Variants in ITGB6 observed in about 807,000 individuals in gnomAD.
ITGB6 encodes integrin subunit beta 6.
A neutral mutation model predicts 84.5 loss-of-function variants in ITGB6; 80 were observed. That is an observed-to-expected ratio of 0.95 (90% CI 0.79 to 1.14). The LOEUF (loss-of-function observed/expected upper bound fraction) is 1.14. Among genes scored for constraint, ITGB6 ranks in the 50% most tolerant of loss-of-function variants. The pLI is 0.00. For synonymous variants in ITGB6, 383 were observed against 354.9 expected (o/e 1.08, Z -0.89); for missense variants, 1,006 against 968.0 (o/e 1.04, Z -0.52).
chr2:160,190,381 G>A (rs1250389484), intron 4 of ITGB6, among the ~76,000 whole-genome samples: 3 of 152,124 alleles, frequency 2.0e-5, no homozygotes, highest in Non-Finnish European at 4.4e-5. Flanking sequence ...TTTGTGATTG[G>A]CATTGTTAGT....
intron 12 of ITGB6, among the ~76,000 whole-genome samples, chr2:160,121,834 A>T (rs1683054405): frequency 6.6e-6 from 1 of 151,358 alleles, no homozygotes; most frequent in Non-Finnish European, 1.5e-5. Flanking sequence ...CATGTTTTTG[A>T]TATGCCCACT....
At chr2:160,136,360 T>C (rs376071544) in intron 10 of ITGB6, among the ~76,000 whole-genome samples, 9,794 of 151,702 alleles carry the variant, frequency 0.065, 340 homozygotes, top group Middle Eastern at 0.13. Flanking sequence ...GATACCATCT[T>C]ACACCAGTTA....
intron 4 of ITGB6, among the ~76,000 whole-genome samples, chr2:160,176,071 G>T (rs1392587876): frequency 6.6e-6 from 1 of 152,134 alleles, no homozygotes; most frequent in Non-Finnish European, 1.5e-5. Flanking sequence ...TTGAAAGCAG[G>T]TGAGGTTTGG....
At chr2:160,122,183 AAT>A (rs1683067665) in intron 12 of ITGB6, among the ~76,000 whole-genome samples, 1 of 152,118 alleles carries the variant, frequency 6.6e-6, no homozygotes, top group African/African-American at 2.4e-5. Context: ...CTGAGTTACA[AAT>A]AATTGTATCT....
rs1683658618 is a variant in ITGB6 at position 160,135,275 on chromosome 2, C to G, written c.1660+2159G>C. Among the ~76,000 whole-genome samples the G allele has an allele frequency of 3.3e-5, 5 of 151,954 alleles. No homozygotes were observed. The South Asian group carries it at 1.0e-3, about 32-fold the overall frequency. ...ATACACTAATAACAGACAAACAGAG[C>G]CAAATCGCGAGTGAACTCCCATTCA... On this transcript the variant is annotated intron_variant, in intron 10 of 14. Coordinates refer to ENST00000283249, the MANE Select transcript of ITGB6 (RefSeq NM_000888.5).
At chr2:160,192,242 T>A (rs1037489253) in intron 4 of ITGB6, among the ~76,000 whole-genome samples, 2 of 151,920 alleles carry the variant, frequency 1.3e-5, no homozygotes, top group African/African-American at 4.8e-5. Context: ...GTAAGGGGGG[T>A]AGTGAGGCAT....
At chr2:160,167,443 C>T (rs1308016600) in intron 7 of ITGB6, among the ~76,000 whole-genome samples, 1 of 152,178 alleles carries the variant, frequency 6.6e-6, no homozygotes, top group Non-Finnish European at 1.5e-5. Flanking sequence ...GAGTGGGTGG[C>T]TGACCTGGAC....
chr2:160,195,500 C>T lies in ITGB6; in HGVS notation c.462G>A (p.Glu154=), dbSNP rs534331359. ...TCTCTTTGGAAAGCCGGGAGCCCAG[C>T]TCCTTTATTGTGTTGAGGTCGTCAT... ...SMDDDLNTIK[E]LGSRLSKEMS... Residue 154 remains glutamate (E), a synonymous_variant, in exon 4 of 15, where the codon GAG becomes GAA. Coordinates refer to ENST00000283249, the MANE Select transcript of ITGB6 (RefSeq NM_000888.5). The T allele has an allele frequency of 2.7e-5, 44 of 1,614,204 alleles. No homozygotes were observed. Among genetic ancestry groups the T allele is most frequent in the African/African-American group, 4.0e-5 (3 of 75,052 alleles).
At chr2:160,132,101 A>G (rs1315454433) in intron 10 of ITGB6, among the ~76,000 whole-genome samples, 1 of 152,132 alleles carries the variant, frequency 6.6e-6, no homozygotes, top group Non-Finnish European at 1.5e-5. Flanking sequence ...CAAGATTCCT[A>G]TTAGACATGC....
At chr2:160,182,709 A>G (rs1281987693) in intron 4 of ITGB6, among the ~76,000 whole-genome samples, 1 of 152,212 alleles carries the variant, frequency 6.6e-6, no homozygotes, top group Non-Finnish European at 1.5e-5. Flanking sequence ...ACCAAGGTTG[A>G]AATGAAGGAA....
rs763266004 is a variant in ITGB6, at chr2:160,123,770, A to C, written c.1981+21T>G. The C allele has an allele frequency of 9.4e-6, 15 of 1,594,610 alleles. No individual in the cohort carries two copies. The Admixed American group carries it at 2.2e-4, about 23-fold the overall frequency. On this transcript the variant is annotated intron_variant, in intron 12 of 14. Coordinates refer to ENST00000283249, the MANE Select transcript of ITGB6 (RefSeq NM_000888.5). ...CAAGAACTACATAAGGAAATGAAAAACAATTTAAGACAAGCAGAACCTTCT... is the reference window on the plus strand; with the variant it reads ...CAAGAACTACATAAGGAAATGAAAACCAATTTAAGACAAGCAGAACCTTCT...
chr2:160,164,454 G>A (rs750241638), intron 7 of ITGB6, among the ~76,000 whole-genome samples: 21 of 152,166 alleles, frequency 1.4e-4, no homozygotes, highest in Non-Finnish European at 2.8e-4. Context: ...CACTTTGGGA[G>A]GCCAAGGTGG....
In ITGB6 at chr2:160,104,158, G is replaced by C. The variant is rs181791636; in HGVS notation, c.2269-2324C>G. On this transcript the variant is annotated intron_variant, in intron 14 of 14. Coordinates refer to ENST00000283249, the MANE Select transcript of ITGB6 (RefSeq NM_000888.5). ...AAGACATTGCTTATAGGGAGTGATG[G>C]GTAAAGCAGACTTCACTAGAGTAAG... is the stretch of plus-strand genomic sequence containing the variant. Among the ~76,000 whole-genome samples the C allele has an allele frequency of 4.7e-4, 72 of 152,272 alleles. 1 individual carries two copies. The highest frequency in any genetic ancestry group is 3.6e-3 in the Admixed American group (55 of 15,292).
At chr2:160,145,449 C>T (rs907640715) in intron 7 of ITGB6, among the ~76,000 whole-genome samples, 3 of 152,186 alleles carry the variant, frequency 2.0e-5, no homozygotes, top group Non-Finnish European at 2.9e-5. Flanking sequence ...TCTCTTCACT[C>T]GGCCCCATCT....
Position 160,112,206 on chromosome 2 carries a change from A to G in ITGB6, c.1982-7T>C, listed in dbSNP as rs559450772. On this transcript the variant is annotated splice_region_variant and splice_polypyrimidine_tract_variant and intron_variant, in intron 12 of 14. Coordinates refer to ENST00000283249, the MANE Select transcript of ITGB6 (RefSeq NM_000888.5). ...GAACCATCCTTTGAGAAATCTGCAGATAAAGGAGTCATTCATTAGGTTAAA... is the reference window on the plus strand; with the variant it reads ...GAACCATCCTTTGAGAAATCTGCAGGTAAAGGAGTCATTCATTAGGTTAAA... The G allele has an allele frequency of 6.9e-6, 11 of 1,604,558 alleles. No homozygotes were observed. The highest frequency in any genetic ancestry group is 4.5e-5 in the South Asian group (4 of 89,816).
chr2:160,197,964 A>G (rs1414140903), intron 2 of ITGB6, among the ~76,000 whole-genome samples: 1 of 152,232 alleles, frequency 6.6e-6, no homozygotes, highest in Non-Finnish European at 1.5e-5. Context: ...TTGGTTTTAC[A>G]ATTTGACAAC....
At chr2:160,191,362 A>G (rs944659263) in intron 4 of ITGB6, among the ~76,000 whole-genome samples, 2 of 152,192 alleles carry the variant, frequency 1.3e-5, no homozygotes, top group African/African-American at 4.8e-5. Context: ...CTTCCTTTGT[A>G]GTTAACTGTG....
chr2:160,156,783 A>G (rs1559168309), intron 7 of ITGB6, among the ~76,000 whole-genome samples: 2 of 152,182 alleles, frequency 1.3e-5, no homozygotes, highest in East Asian at 1.9e-4. Context: ...GAACCCATAC[A>G]CTCATATCCT....
intron 7 of ITGB6, among the ~76,000 whole-genome samples, chr2:160,162,094 A>G (rs1042466511): frequency 6.6e-6 from 1 of 152,220 alleles, no homozygotes; most frequent in Non-Finnish European, 1.5e-5. Flanking sequence ...TGAGCTTAAC[A>G]AAGTTTTAAT....
Sources: gnomAD v4.1 joint callset for allele counts (sites outside exome capture counted in the v4.1 genomes callset) on GRCh38, gnomAD v4.1.1 for gene constraint, MANE v1.5 for transcripts, NCBI Gene and HGNC (gene_info 2026-07-23, HGNC 2026-07-21) for gene names.